The following LYRM4 variants were observed in gnomAD, a reference collection of about 807,000 sequenced individuals.
The protein encoded by LYRM4 is LYR motif containing 4, also known as LYR motif-containing protein 4.
In LYRM4, 9 loss-of-function variants were observed where a neutral mutation model predicts 11.7. The observed-to-expected ratio is 0.77, with a 90% CI of 0.46 to 1.34. LYRM4 has a LOEUF of 1.34. Ranked by LOEUF, LYRM4 falls within the 40% of genes most tolerant of loss-of-function variation. The probability of loss-of-function intolerance (pLI) is 0.00; values close to 1 mark genes in which losing one functional copy is unlikely to be tolerated. For missense variants in LYRM4, 133 were observed against 112.5 expected (o/e 1.18, Z -0.82); for synonymous variants, 42 against 40.4 (o/e 1.04, Z -0.15).
At chr6:5,216,589 A>T (rs1314713472) in intron 2 of LYRM4, 29 bp downstream of exon 2, 114 of 1,612,846 alleles carry the variant, frequency 7.1e-5, no homozygotes, top group Non-Finnish European at 9.4e-5. Flanking sequence ...GCTCTTAATG[A>T]AAAACAGTAC....
the LYRM4 span, among the ~76,000 whole-genome samples, chr6:5,039,772 AG>A: frequency 6.6e-6 from 1 of 152,216 alleles, no homozygotes. Flanking sequence ...AATTTAAATG[AG>A]GTGAAAAGGA....
intron 2 of LYRM4, among the ~76,000 whole-genome samples, chr6:5,182,590 A>T (rs1239355676): frequency 1.3e-5 from 2 of 152,242 alleles, no homozygotes; most frequent in Non-Finnish European, 1.5e-5. Flanking sequence ...TTAGTTGTAT[A>T]TCATACACAT....
At chr6:5,232,926 G>A (rs1763326021) in intron 1 of LYRM4, among the ~76,000 whole-genome samples, 1 of 152,174 alleles carries the variant, frequency 6.6e-6, no homozygotes, top group African/African-American at 2.4e-5. Context: ...ATGTAGGGTA[G>A]ACCAACTTAA....
At chr6:5,050,726 C>T in the LYRM4 span, among the ~76,000 whole-genome samples, 1 of 152,082 alleles carries the variant, frequency 6.6e-6, no homozygotes, top group African/African-American at 2.4e-5. Context: ...AGACACCCTA[C>T]CAAGGCAGAG....
chr6:5,260,603 GGCCCCTGGCCCCCC>G, intron 1 of LYRM4, 31 bp downstream of exon 1: 9 of 636,382 alleles, frequency 1.4e-5, no homozygotes, highest in Non-Finnish European at 2.4e-5. Flanking sequence ...CCCGGTCCCC[GGCCCCTGGCCCCCC>G]GCCCCCGGCC....
intron 1 of LYRM4, among the ~76,000 whole-genome samples, chr6:5,245,107 AAAAAAAATATATATATAT>A (rs1764098309): frequency 1.0e-4 from 5 of 49,708 alleles, no homozygotes; most frequent in Middle Eastern, 8.6e-3. Flanking sequence ...AAAAAAAAAA[AAAAAAAATATATATATAT>A]ATATATATAT....
the LYRM4 span, among the ~76,000 whole-genome samples, chr6:5,044,116 G>T: frequency 8.6e-5 from 13 of 151,154 alleles, no homozygotes; most frequent in East Asian, 2.0e-4. Flanking sequence ...TTTTTGTGGG[G>T]TTTTTTTTGT....
intron 2 of LYRM4, among the ~76,000 whole-genome samples, chr6:5,133,120 C>T (rs1346707280): frequency 2.0e-5 from 3 of 152,276 alleles, no homozygotes; most frequent in Non-Finnish European, 4.4e-5. Flanking sequence ...AGCCTGAGGG[C>T]CACTTGTCCC....
the LYRM4 span, among the ~76,000 whole-genome samples, chr6:5,064,694 T>C: frequency 6.6e-6 from 1 of 152,172 alleles, no homozygotes; most frequent in African/African-American, 2.4e-5. Context: ...GGCGAACCAT[T>C]GTGGCTAGCC....
At chr6:5,164,698 C>G (rs999589320) in intron 2 of LYRM4, among the ~76,000 whole-genome samples, 1 of 151,956 alleles carries the variant, frequency 6.6e-6, no homozygotes, top group African/African-American at 2.4e-5. Context: ...CCGGGTGTGG[C>G]GGCTCATACC....
chr6:5,246,981 T>C (rs1405759584), intron 1 of LYRM4, among the ~76,000 whole-genome samples: 2 of 152,150 alleles, frequency 1.3e-5, no homozygotes, highest in Non-Finnish European at 2.9e-5. Flanking sequence ...CATACTTTTA[T>C]ACGTCAGAGC....
intron 2 of LYRM4, among the ~76,000 whole-genome samples, chr6:5,164,453 T>C (rs1758949293): frequency 6.6e-6 from 1 of 152,200 alleles, no homozygotes; most frequent in Non-Finnish European, 1.5e-5. Flanking sequence ...TGAGCAAGAC[T>C]GATCAGATTC....
At chr6:5,204,376 C>CT (rs1383953566) in intron 2 of LYRM4, among the ~76,000 whole-genome samples, 1 of 152,066 alleles carries the variant, frequency 6.6e-6, no homozygotes, top group East Asian at 1.9e-4. Flanking sequence ...GAGTTTTAGT[C>CT]TGAGTGTTTG....
chr6:5,185,277 C>T (rs1760321912), intron 2 of LYRM4, among the ~76,000 whole-genome samples: 1 of 152,206 alleles, frequency 6.6e-6, no homozygotes, highest in Non-Finnish European at 1.5e-5. Flanking sequence ...AGCATCTGCC[C>T]TGTGCTCATG....
At chr6:5,120,309 G>T (rs1347840185) in intron 2 of LYRM4, among the ~76,000 whole-genome samples, 1 of 152,096 alleles carries the variant, frequency 6.6e-6, no homozygotes, top group Non-Finnish European at 1.5e-5. Flanking sequence ...TTTTTGAATG[G>T]GCACACATGT....
At chr6:5,166,644 A>G (rs1759104263) in intron 2 of LYRM4, among the ~76,000 whole-genome samples, 1 of 152,244 alleles carries the variant, frequency 6.6e-6, no homozygotes, top group Admixed American at 6.5e-5. Context: ...ACATCAGGTG[A>G]GACTTAAGCA....
At chr6:5,083,124 G>A in the LYRM4 span, among the ~76,000 whole-genome samples, 3 of 152,128 alleles carry the variant, frequency 2.0e-5, no homozygotes, top group African/African-American at 7.2e-5. Flanking sequence ...CCCTGAGAGT[G>A]ATGCCTCCTT....
chr6:5,066,591 G>T, the LYRM4 span: 1 of 1,084,498 alleles, frequency 9.2e-7, no homozygotes, highest in Non-Finnish European at 1.4e-6. Context: ...CTCCAAATGT[G>T]GAATAAAAGT....
In LYRM4 at chr6:5,242,721, AAAC is replaced by A. The variant is rs766094175; in HGVS notation, c.86+17924_86+17926del. Among the ~76,000 whole-genome samples, 64 of 151,962 alleles carry A rather than the reference AAAC, an allele frequency of 4.2e-4. No individual in the cohort carries two copies. The East Asian group carries it at 5.9e-3, about 14-fold the overall frequency. ...GCAACGAGAGCGAAACCCCTTCTCAAAACAACAACAACAGCAACAACATGAATA... is the reference window on the plus strand; with the variant it reads ...GCAACGAGAGCGAAACCCCTTCTCAAAACAACAACAGCAACAACATGAATA... On this transcript the variant is annotated intron_variant, in intron 1 of 2. Transcript: ENST00000330636.
Sources: allele counts gnomAD v4.1 joint callset (sites outside exome capture counted in the v4.1 genomes callset), GRCh38; gene constraint gnomAD v4.1.1; transcripts MANE v1.5; gene names NCBI Gene and HGNC (gene_info 2026-07-23, HGNC 2026-07-21).